Variants in CTNNA3 observed in about 807,000 individuals in gnomAD.
CTNNA3 encodes the protein catenin alpha-3.
A neutral mutation model predicts 95.7 loss-of-function variants in CTNNA3; 76 were observed. That is an observed-to-expected ratio of 0.79 (90% CI 0.66 to 0.96). The LOEUF is 0.96. Among genes scored for constraint, CTNNA3 ranks in the 40% least tolerant of loss-of-function variants. The pLI, the probability that CTNNA3 is intolerant of heterozygous loss-of-function variation, is 0.00. For synonymous variants in CTNNA3, 431 were observed against 374.4 expected (o/e 1.15, Z -1.74); for missense variants, 1,191 against 1,089.8 (o/e 1.09, Z -1.31).
intron 11 of CTNNA3, among the ~76,000 whole-genome samples, chr10:66,489,076 G>A (rs1176665763): frequency 1.3e-5 from 2 of 152,076 alleles, no homozygotes; most frequent in African/African-American, 4.8e-5. Flanking sequence ...GAAGACAGAC[G>A]TAGTGAATCA....
At chr10:66,194,610 C>A (rs1752242398) in intron 13 of CTNNA3, among the ~76,000 whole-genome samples, 1 of 152,022 alleles carries the variant, frequency 6.6e-6, no homozygotes, top group African/African-American at 2.4e-5. Context: ...AAAAACTAAA[C>A]AAACTTACCA....
chr10:67,227,005 C>G (rs116293430), intron 5 of CTNNA3, among the ~76,000 whole-genome samples: 2,961 of 152,036 alleles, frequency 0.019, 104 homozygotes, highest in African/African-American at 0.066. Flanking sequence ...ACTCACCTAA[C>G]ATGTAAAGAC....
intron 7 of CTNNA3, among the ~76,000 whole-genome samples, chr10:66,805,198 C>A (rs1230912556): frequency 6.6e-6 from 1 of 151,910 alleles, no homozygotes; most frequent in Admixed American, 6.6e-5. Flanking sequence ...TTCTTCTAAT[C>A]TTTGTCACTT....
At chr10:67,620,953 A>ATATATATATG (rs1375896412) in intron 2 of CTNNA3, among the ~76,000 whole-genome samples, 9 of 146,626 alleles carry the variant, frequency 6.1e-5, no homozygotes, top group Non-Finnish European at 1.2e-4. Context: ...ATATATATAC[A>ATATATATATG]GAAATGTGGA....
chr10:66,292,724 C>T (rs1463426438), intron 12 of CTNNA3, among the ~76,000 whole-genome samples: 5 of 152,152 alleles, frequency 3.3e-5, no homozygotes, highest in Non-Finnish European at 5.9e-5. Flanking sequence ...TATTTTGAGG[C>T]ATGAAAACCT....
At chr10:66,930,830 C>T (rs1391171682) in intron 7 of CTNNA3, among the ~76,000 whole-genome samples, 1 of 151,970 alleles carries the variant, frequency 6.6e-6, no homozygotes, top group Non-Finnish European at 1.5e-5. Flanking sequence ...AAAATAAAAT[C>T]CCTTAGGTGG....
At chr10:67,555,695 T>A (rs1219658031) in intron 3 of CTNNA3, among the ~76,000 whole-genome samples, 1 of 152,234 alleles carries the variant, frequency 6.6e-6, no homozygotes, top group African/African-American at 2.4e-5. Flanking sequence ...TCATGTTATC[T>A]GCAAACAGAG....
intron 16 of CTNNA3, among the ~76,000 whole-genome samples, chr10:65,984,837 C>T (rs957755863): frequency 1.3e-5 from 2 of 151,112 alleles, no homozygotes; most frequent in Non-Finnish European, 3.0e-5. Flanking sequence ...ACTTATTTCA[C>T]TAAGATTTAG....
At chr10:66,564,290 C>G (rs1842641125) in intron 10 of CTNNA3, among the ~76,000 whole-genome samples, 1 of 152,122 alleles carries the variant, frequency 6.6e-6, no homozygotes, top group Non-Finnish European at 1.5e-5. Context: ...CTGTGACATA[C>G]TACAGATCTT....
intron 5 of CTNNA3, among the ~76,000 whole-genome samples, chr10:67,248,782 T>C (rs1373777720): frequency 6.6e-6 from 1 of 152,154 alleles, no homozygotes; most frequent in Non-Finnish European, 1.5e-5. Context: ...CCTCACACCA[T>C]ACAGAAAATT....
chr10:66,925,286 G>A (rs908397238), intron 7 of CTNNA3, among the ~76,000 whole-genome samples: 1 of 152,064 alleles, frequency 6.6e-6, no homozygotes, highest in Non-Finnish European at 1.5e-5. Context: ...TGTTTAAAGA[G>A]AAAACAACGT....
chr10:66,454,671 T>G (rs1396999599), intron 11 of CTNNA3, among the ~76,000 whole-genome samples: 7 of 152,046 alleles, frequency 4.6e-5, no homozygotes, highest in Admixed American at 2.6e-4. Flanking sequence ...TAATGCCAAC[T>G]CTACAAAATC....
intron 7 of CTNNA3, among the ~76,000 whole-genome samples, chr10:67,144,279 A>C (rs541288013): frequency 6.6e-6 from 1 of 152,362 alleles, no homozygotes; most frequent in African/African-American, 2.4e-5. Flanking sequence ...GTGTGGGTTT[A>C]GCATAATTCA....
At chr10:67,231,209 A>C (rs1429618178) in intron 5 of CTNNA3, among the ~76,000 whole-genome samples, 1 of 152,100 alleles carries the variant, frequency 6.6e-6, no homozygotes, top group Non-Finnish European at 1.5e-5. Context: ...TGTAGGCTCC[A>C]CCTCTGGGGG....
At chr10:66,290,891 A>G (rs925966049) in intron 12 of CTNNA3, among the ~76,000 whole-genome samples, 3 of 152,184 alleles carry the variant, frequency 2.0e-5, no homozygotes, top group African/African-American at 4.8e-5. Flanking sequence ...CTTGTTTTAG[A>G]AACAAAAATG....
chr10:67,480,039 G>A (rs1848159667), intron 5 of CTNNA3, among the ~76,000 whole-genome samples: 1 of 151,772 alleles, frequency 6.6e-6, no homozygotes, highest in South Asian at 2.1e-4. Flanking sequence ...ATCGGGAAGA[G>A]ATTGAAACCC....
intron 17 of CTNNA3, among the ~76,000 whole-genome samples, chr10:65,959,187 C>T (rs573470054): frequency 8.5e-5 from 13 of 152,240 alleles, no homozygotes; most frequent in Middle Eastern, 3.4e-3. Flanking sequence ...TGGGACCCTC[C>T]GAGCCAGGTG....
chr10:66,572,746 C>A (rs1398584120), intron 10 of CTNNA3, among the ~76,000 whole-genome samples: 3 of 152,142 alleles, frequency 2.0e-5, no homozygotes, highest in African/African-American at 7.2e-5. Flanking sequence ...AAGAATCCAT[C>A]AGTCTTTGCA....
intron 2 of CTNNA3, among the ~76,000 whole-genome samples, chr10:67,610,310 A>G (rs966313643): frequency 2.6e-4 from 39 of 152,246 alleles, no homozygotes; most frequent in African/African-American, 8.9e-4. Flanking sequence ...AACTTTGTAT[A>G]AGAACATCAT....
Sources: gnomAD v4.1 joint callset for allele counts (sites outside exome capture counted in the v4.1 genomes callset) on GRCh38, gnomAD v4.1.1 for gene constraint, MANE v1.5 for transcripts, NCBI Gene and HGNC (gene_info 2026-07-23, HGNC 2026-07-21) for gene names.